Variants in ASH1L observed in about 807,000 individuals in gnomAD.
The protein encoded by ASH1L is ASH1 like histone lysine methyltransferase, also known as histone-lysine N-methyltransferase ASH1L.
ASH1L carries 23 observed loss-of-function variants against 269.0 expected under a neutral mutation model. The observed-to-expected ratio is 0.09, with a 90% confidence interval of 0.06 to 0.12. The LOEUF is 0.12. Among genes scored for constraint, ASH1L ranks in the 10% least tolerant of loss-of-function variants. ASH1L has a pLI of 1.00. For missense variants in ASH1L, 2,912 were observed against 3,567.8 expected (o/e 0.82, Z 4.68); for synonymous variants, 1,187 against 1,253.5 (o/e 0.95, Z 1.12).
chr1:155,480,867 G>A lies in ASH1L; in HGVS notation c.2003C>T (p.Ser668Leu). Residue 668 changes from serine to leucine, a missense_variant, in exon 3 of 28, where the codon TCA becomes TTA. Ser to Leu is a moderately radical substitution (Grantham distance 145). This residue lies in a region of ASH1L where 715 missense variants were observed against 721.0 expected (regional missense o/e 0.99). Transcript: ENST00000392403. ...AAATAAACTAGTGAAGTTAACAACT[G>A]AAGGAGTAATAGTATGAATGCTGGA... ...SESSIHTITP[S>L]VVNFTSLFSN... is the part of the protein sequence containing the mutation. 6.2e-7 allele frequency: 1 copy of A among 1,613,872 alleles called. No individual in the cohort carries two copies. Among genetic ancestry groups the A allele is most frequent in the Non-Finnish European group, 8.5e-7 (1 of 1,179,916 alleles).
chr1:155,492,719 G>A (rs752663845), intron 2 of ASH1L, among the ~76,000 whole-genome samples: 5 of 149,400 alleles, frequency 3.3e-5, no homozygotes, highest in Admixed American at 1.3e-4. Context: ...TCATAATAAC[G>A]TTTGAATATT....
rs754622167 is a variant in ASH1L, at chr1:155,344,281, G to A, written c.7891-8C>T. ...AGGGATCATGGGAACCTCCTGATAG[G>A]AGCAGAAAGCCAATGTATAAGGGCT... On this transcript the variant is annotated splice_polypyrimidine_tract_variant and splice_region_variant and intron_variant, in intron 21 of 27. Transcript: ENST00000392403. 1.3e-5 allele frequency: 21 copies of A among 1,609,958 alleles called. No individual in the cohort carries two copies. The African/African-American group carries it at 1.9e-4, about 14-fold the overall frequency.
chr1:155,510,198 A>G (rs1245269624), intron 2 of ASH1L, among the ~76,000 whole-genome samples: 2 of 151,730 alleles, frequency 1.3e-5, no homozygotes, highest in Non-Finnish European at 2.9e-5. Context: ...GACGGATCAC[A>G]AGGTCAGGAG....
chr1:155,496,876 G>A (rs897994640), intron 2 of ASH1L, among the ~76,000 whole-genome samples: 2 of 151,650 alleles, frequency 1.3e-5, no homozygotes, highest in African/African-American at 4.8e-5. Flanking sequence ...AAACTCCCGG[G>A]CTCGGGCAAT....
chr1:155,445,180 T>C (rs571775659), intron 4 of ASH1L, among the ~76,000 whole-genome samples: 1 of 152,154 alleles, frequency 6.6e-6, no homozygotes. Flanking sequence ...ATAGTCACAT[T>C]TGTCAAAAAT....
At chr1:155,463,838 C>T (rs1664481397) in intron 3 of ASH1L, among the ~76,000 whole-genome samples, 1 of 151,924 alleles carries the variant, frequency 6.6e-6, no homozygotes, top group Non-Finnish European at 1.5e-5. Context: ...GTGAGTTATA[C>T]CCAGTAGGGA....
chr1:155,464,260 T>C (rs2148683696), intron 3 of ASH1L, among the ~76,000 whole-genome samples: 1 of 152,328 alleles, frequency 6.6e-6, no homozygotes, highest in Admixed American at 6.5e-5. Context: ...CAAGAAAATC[T>C]GACACTTCCT....
At chr1:155,551,130 T>C (rs1671169967) in intron 1 of ASH1L, among the ~76,000 whole-genome samples, 1 of 152,182 alleles carries the variant, frequency 6.6e-6, no homozygotes, top group South Asian at 2.1e-4. Context: ...CTTTATTTAT[T>C]TGACTCTTTT....
chr1:155,516,234 T>C (rs574981159), intron 2 of ASH1L, among the ~76,000 whole-genome samples: 6 of 152,200 alleles, frequency 3.9e-5, no homozygotes, highest in South Asian at 2.1e-4. Context: ...AAAAATTATA[T>C]ATAATATTTC....
intron 6 of ASH1L, among the ~76,000 whole-genome samples, chr1:155,406,333 C>T (rs189932913): frequency 6.3e-4 from 96 of 151,978 alleles, no homozygotes; most frequent in South Asian, 2.1e-3. Flanking sequence ...GGCAAGGAAT[C>T]CAGGAATAGC....
intron 1 of ASH1L, among the ~76,000 whole-genome samples, chr1:155,542,190 G>C (rs1459041947): frequency 1.3e-5 from 2 of 152,014 alleles, no homozygotes; most frequent in Admixed American, 6.6e-5. Flanking sequence ...CAATCTTTAG[G>C]GAATTCTAAA....
chr1:155,545,175 CA>C (rs10624841), intron 1 of ASH1L, among the ~76,000 whole-genome samples: 854 of 21,526 alleles, frequency 0.04, no homozygotes, highest in African/African-American at 0.13. Flanking sequence ...TCCATCTCAC[CA>C]AAAAAAAAAA....
intron 1 of ASH1L, among the ~76,000 whole-genome samples, chr1:155,530,302 GACTTAT>G (rs1558197099): frequency 6.6e-6 from 1 of 152,176 alleles, no homozygotes; most frequent in East Asian, 1.9e-4. Context: ...CCAGGAAATA[GACTTAT>G]CAGTTTGGTT....
chr1:155,451,668 G>C (rs549496399), intron 4 of ASH1L, among the ~76,000 whole-genome samples: 1 of 151,848 alleles, frequency 6.6e-6, no homozygotes, highest in East Asian at 1.9e-4. Context: ...TGAGGCAGGA[G>C]AATCGCTTGT....
intron 6 of ASH1L, among the ~76,000 whole-genome samples, chr1:155,415,333 G>A (rs1197145249): frequency 6.9e-6 from 1 of 144,078 alleles, no homozygotes. Context: ...AGTGAGCCAA[G>A]ATCGCACCAC....
chr1:155,416,810 G>C (rs1162690534), intron 5 of ASH1L, among the ~76,000 whole-genome samples: 1 of 151,898 alleles, frequency 6.6e-6, no homozygotes, highest in African/African-American at 2.4e-5. Context: ...GGGATTACAG[G>C]CATGAGCCAC....
intron 1 of ASH1L, among the ~76,000 whole-genome samples, chr1:155,538,505 G>A (rs1295826613): frequency 6.6e-6 from 1 of 151,866 alleles, no homozygotes; most frequent in African/African-American, 2.4e-5. Flanking sequence ...CTACAGGAAC[G>A]CACCACCACA....
intron 1 of ASH1L, among the ~76,000 whole-genome samples, chr1:155,534,077 A>G (rs1669878902): frequency 6.6e-6 from 1 of 150,436 alleles, no homozygotes; most frequent in Non-Finnish European, 1.5e-5. Context: ...TTATTTTCTG[A>G]GAGTTCCCAG....
At chr1:155,424,780 A>G (rs1660996455) in intron 5 of ASH1L, among the ~76,000 whole-genome samples, 1 of 152,152 alleles carries the variant, frequency 6.6e-6, no homozygotes, top group South Asian at 2.1e-4. Context: ...GGCGTCATGT[A>G]TAGTTTGTGT....
Sources: allele counts gnomAD v4.1 joint callset (sites outside exome capture counted in the v4.1 genomes callset), GRCh38; gene constraint gnomAD v4.1.1; regional missense constraint gnomAD v4.1.1; transcripts MANE v1.5; gene names NCBI Gene and HGNC (gene_info 2026-07-23, HGNC 2026-07-21).